ATF1: variants seen among roughly 807,000 people sequenced by gnomAD.
ATF1 encodes activating transcription factor 1.
In ATF1, 16 loss-of-function variants were observed where a neutral mutation model predicts 34.7. The observed-to-expected ratio is 0.46, with a 90% CI of 0.31 to 0.70. The LOEUF (loss-of-function observed/expected upper bound fraction) is 0.70. Ranked by LOEUF, ATF1 falls within the 30% of genes least tolerant of loss-of-function variation. The pLI is 0.05. For missense variants in ATF1, 255 were observed against 321.6 expected (o/e 0.79, Z 1.58); for synonymous variants, 105 against 113.1 (o/e 0.93, Z 0.46).
At chr12:50,801,191 CATAAAGAGGGAAAT>C (rs1387989052) in intron 3 of ATF1, among the ~76,000 whole-genome samples, 2 of 151,948 alleles carry the variant, frequency 1.3e-5, no homozygotes, top group African/African-American at 2.4e-5. Flanking sequence ...ACATCTACAA[CATAAAGAGGGAAAT>C]ATAAACAGTT....
At chr12:50,770,775 T>C (rs1378128922) in intron 1 of ATF1, among the ~76,000 whole-genome samples, 1 of 152,224 alleles carries the variant, frequency 6.6e-6, no homozygotes, top group Admixed American at 6.5e-5. Context: ...TTCTGCAATT[T>C]AGGCTAACCC....
At chr12:50,774,026 T>G (rs1940848936) in intron 1 of ATF1, among the ~76,000 whole-genome samples, 1 of 152,130 alleles carries the variant, frequency 6.6e-6, no homozygotes. Context: ...TTTGCAAGTT[T>G]TCTTTTCTTT....
intron 1 of ATF1, among the ~76,000 whole-genome samples, chr12:50,777,120 C>T (rs1363160726): frequency 6.6e-6 from 1 of 152,164 alleles, no homozygotes; most frequent in Non-Finnish European, 1.5e-5. Flanking sequence ...TCCCAAAATG[C>T]TGGGATTACA....
chr12:50,772,268 G>A (rs1418328854), intron 1 of ATF1, among the ~76,000 whole-genome samples: 3 of 151,394 alleles, frequency 2.0e-5, no homozygotes, highest in African/African-American at 4.9e-5. Flanking sequence ...ATGAGCCATC[G>A]CACTTGGCTA....
At chr12:50,784,249 C>T (rs1327975069) in intron 2 of ATF1, among the ~76,000 whole-genome samples, 2 of 152,104 alleles carry the variant, frequency 1.3e-5, no homozygotes, top group East Asian at 3.8e-4. Context: ...ACAAAATTCT[C>T]AGCTTTCATG....
chr12:50,803,571 T>C (rs1187483411), intron 3 of ATF1, among the ~76,000 whole-genome samples: 1 of 151,718 alleles, frequency 6.6e-6, no homozygotes, highest in Admixed American at 6.6e-5. Flanking sequence ...AGTTACCATA[T>C]GACCCACTGC....
chr12:50,773,140 G>A (rs1385874615), intron 1 of ATF1, among the ~76,000 whole-genome samples: 1 of 152,078 alleles, frequency 6.6e-6, no homozygotes, highest in East Asian at 1.9e-4. Flanking sequence ...TGATATATAT[G>A]TACATGTTCT....
intron 6 of ATF1, among the ~76,000 whole-genome samples, chr12:50,815,882 A>T (rs1941834049): frequency 6.6e-6 from 1 of 152,240 alleles, no homozygotes; most frequent in African/African-American, 2.4e-5. Flanking sequence ...CCATCAGTGG[A>T]TAAATGGATA....
At chr12:50,778,405 A>G (rs1951430100) in intron 1 of ATF1, among the ~76,000 whole-genome samples, 1 of 150,224 alleles carries the variant, frequency 6.7e-6, no homozygotes, top group Admixed American at 6.6e-5. Flanking sequence ...TTTTATTTTT[A>G]GTAGAGACAT....
intron 3 of ATF1, among the ~76,000 whole-genome samples, chr12:50,797,746 CA>C (rs1203351079): frequency 2.0e-5 from 3 of 152,120 alleles, no homozygotes; most frequent in African/African-American, 4.8e-5. Context: ...GTTGCTATTA[CA>C]GGCATGAGCC....
At chr12:50,797,005 A>G (rs1305060890) in intron 3 of ATF1, among the ~76,000 whole-genome samples, 5 of 152,356 alleles carry the variant, frequency 3.3e-5, no homozygotes, top group African/African-American at 9.6e-5. Context: ...TTTGCAAACC[A>G]CTTATCTGAT....
intron 2 of ATF1, among the ~76,000 whole-genome samples, chr12:50,782,844 C>T (rs984159827): frequency 6.6e-5 from 10 of 151,924 alleles, no homozygotes; most frequent in African/African-American, 2.4e-4. Flanking sequence ...TGCCCACTGC[C>T]ACGACCAGCT....
At chr12:50,800,700 G>C (rs145664208) in intron 3 of ATF1, among the ~76,000 whole-genome samples, 45 of 152,264 alleles carry the variant, frequency 3.0e-4, no homozygotes, top group African/African-American at 1.0e-3. Flanking sequence ...ATCTGAGATG[G>C]AACAGTTTCA....
intron 4 of ATF1, among the ~76,000 whole-genome samples, chr12:50,811,554 C>A (rs1198314917): frequency 6.8e-6 from 1 of 146,832 alleles, no homozygotes; most frequent in African/African-American, 2.5e-5. Flanking sequence ...GAGGCTGAGG[C>A]TGGAGGATTG....
At chr12:50,785,047 C>A (rs1360069651) in intron 2 of ATF1, among the ~76,000 whole-genome samples, 1 of 147,104 alleles carries the variant, frequency 6.8e-6, no homozygotes. Context: ...TCCCTCCCCC[C>A]TCCCCGCTGG....
chr12:50,795,494 T>C (rs1039746641), intron 2 of ATF1, among the ~76,000 whole-genome samples: 2 of 152,240 alleles, frequency 1.3e-5, no homozygotes, highest in Non-Finnish European at 2.9e-5. Context: ...ATATTTAATA[T>C]TCGTCTCAAT....
intron 6 of ATF1, 135 bp from the exon 7 acceptor site, chr12:50,819,500 G>GATCT (rs1941905656): frequency 1.0e-6 from 1 of 992,500 alleles, no homozygotes; most frequent in Non-Finnish European, 1.5e-6. Flanking sequence ...CTACACTTAA[G>GATCT]ATCTATGTAT....
At chr12:50,787,611 C>T (rs1458510702) in intron 2 of ATF1, among the ~76,000 whole-genome samples, 6 of 151,686 alleles carry the variant, frequency 4.0e-5, no homozygotes, top group Admixed American at 3.3e-4. Flanking sequence ...CATGGTGGTG[C>T]ACACCCTGTG....
intron 3 of ATF1, among the ~76,000 whole-genome samples, chr12:50,803,498 TA>T (rs35063138): frequency 0.37 from 52,615 of 143,558 alleles, 9,290 homozygotes; most frequent in Non-Finnish European, 0.4. Flanking sequence ...GGTAAGAATG[TA>T]AAAAAAAAAA....
Sources: gnomAD v4.1 joint callset for allele counts (sites outside exome capture counted in the v4.1 genomes callset) on GRCh38, gnomAD v4.1.1 for gene constraint, MANE v1.5 for transcripts, NCBI Gene and HGNC (gene_info 2026-07-23, HGNC 2026-07-21) for gene names.